Variants in MYO3B observed in about 807,000 individuals in gnomAD.
MYO3B encodes myosin IIIB.
In MYO3B, 156 loss-of-function variants were observed where a neutral mutation model predicts 174.6. That is an observed-to-expected ratio of 0.89 (90% confidence interval 0.78 to 1.02). The LOEUF (loss-of-function observed/expected upper bound fraction) is 1.02. MYO3B is among the 50% of genes least tolerant of loss of function. MYO3B has a pLI of 0.00. For synonymous variants in MYO3B, 563 were observed against 569.1 expected (o/e 0.99, Z 0.15); for missense variants, 1,632 against 1,639.4 (o/e 1.00, Z 0.08).
chr2:170,313,806 G>A (rs1046034452), intron 7 of MYO3B, among the ~76,000 whole-genome samples: 6 of 152,188 alleles, frequency 3.9e-5, no homozygotes, highest in Middle Eastern at 3.4e-3. Flanking sequence ...AAAGCCAGCC[G>A]GAATGTAATT....
intron 32 of MYO3B, among the ~76,000 whole-genome samples, chr2:170,603,359 A>G (rs1333586349): frequency 6.6e-6 from 1 of 152,232 alleles, no homozygotes; most frequent in African/African-American, 2.4e-5. Flanking sequence ...GTGGCATATT[A>G]TCTAAGAAAA....
At chr2:170,556,829 G>T (rs891711330) in intron 32 of MYO3B, among the ~76,000 whole-genome samples, 2 of 152,112 alleles carry the variant, frequency 1.3e-5, no homozygotes, top group African/African-American at 4.8e-5. Context: ...GCCAGATTTT[G>T]ACATTTTAAT....
In MYO3B at chr2:170,626,643, A is replaced by ATC. The variant is rs1271183198; in HGVS notation, c.3734-24985_3734-24984insTC. 6.9e-3 allele frequency among the ~76,000 whole-genome samples: 1,048 copies of ATC among 152,296 alleles called. 16 individuals carry two copies. Among genetic ancestry groups the ATC allele is most frequent in the African/African-American group, 0.024 (993 of 41,562 alleles). On this transcript the variant is annotated intron_variant, in intron 32 of 34. Transcript: ENST00000408978. Reference sequence around the variant, plus strand: ...AGTTGATGCAGTTTCTTCCGAGGATAGATGGTCTTTACAATTTGGCAAGTT... The same window carrying ATC: ...AGTTGATGCAGTTTCTTCCGAGGATATCGATGGTCTTTACAATTTGGCAAGTT...
At chr2:170,502,738 A>G (rs916510928) in intron 28 of MYO3B, among the ~76,000 whole-genome samples, 1 of 152,228 alleles carries the variant, frequency 6.6e-6, no homozygotes, top group African/African-American at 2.4e-5. Flanking sequence ...CCAGGCTGGT[A>G]GACTCAGCAG....
chr2:170,246,626 G>A (rs1435376319), intron 7 of MYO3B, among the ~76,000 whole-genome samples: 2 of 151,994 alleles, frequency 1.3e-5, no homozygotes, highest in East Asian at 3.9e-4. Context: ...GGCAAGGAAG[G>A]ATCCTCCCCC....
At chr2:170,499,109 T>C (rs1442961639) in intron 26 of MYO3B, among the ~76,000 whole-genome samples, 1 of 152,230 alleles carries the variant, frequency 6.6e-6, no homozygotes, top group Non-Finnish European at 1.5e-5. Context: ...TCTCAGCATC[T>C]GTAGCTTTTC....
intron 32 of MYO3B, among the ~76,000 whole-genome samples, chr2:170,633,854 C>G (rs1244515023): frequency 2.6e-5 from 4 of 152,178 alleles, no homozygotes; most frequent in Non-Finnish European, 5.9e-5. Flanking sequence ...CATGAGTGAA[C>G]TCCCATTCAC....
chr2:170,191,200 A>T (rs2092536166), intron 1 of MYO3B, among the ~76,000 whole-genome samples: 1 of 151,770 alleles, frequency 6.6e-6, no homozygotes, highest in Admixed American at 6.6e-5. Flanking sequence ...GCTGGTATCC[A>T]AGTTGCAAGA....
At chr2:170,237,082 A>G (rs1412034985) in intron 7 of MYO3B, among the ~76,000 whole-genome samples, 3 of 152,246 alleles carry the variant, frequency 2.0e-5, no homozygotes, top group Non-Finnish European at 4.4e-5. Flanking sequence ...CACTATTCCA[A>G]AAATGATTCC....
At chr2:170,372,691 C>T (rs975528129) in intron 9 of MYO3B, among the ~76,000 whole-genome samples, 1 of 152,082 alleles carries the variant, frequency 6.6e-6, no homozygotes, top group African/African-American at 2.4e-5. Context: ...AAAGGAATGC[C>T]TGGGATACCT....
At chr2:170,361,070 T>G (rs887853156) in intron 8 of MYO3B, among the ~76,000 whole-genome samples, 1 of 152,226 alleles carries the variant, frequency 6.6e-6, no homozygotes, top group African/African-American at 2.4e-5. Context: ...ACTGACTGAC[T>G]GTATACCCAG....
chr2:170,436,633 A>T (rs2094756351), intron 22 of MYO3B, among the ~76,000 whole-genome samples: 1 of 152,216 alleles, frequency 6.6e-6, no homozygotes. Context: ...ACTTCCTTTC[A>T]TTAACAACTT....
At chr2:170,308,464 C>G (rs1026940924) in intron 7 of MYO3B, among the ~76,000 whole-genome samples, 4 of 152,142 alleles carry the variant, frequency 2.6e-5, no homozygotes, top group African/African-American at 9.7e-5. Context: ...GGATTTATGT[C>G]AATGGATGTG....
At chr2:170,210,468 C>T (rs1006872234) in intron 3 of MYO3B, among the ~76,000 whole-genome samples, 12 of 152,140 alleles carry the variant, frequency 7.9e-5, no homozygotes, top group African/African-American at 2.9e-4. Flanking sequence ...ATAATGGTAA[C>T]CCCTAGCAAT....
At chr2:170,408,750 G>C (rs1574933928) in intron 22 of MYO3B, among the ~76,000 whole-genome samples, 1 of 97,892 alleles carries the variant, frequency 1.0e-5, no homozygotes, top group African/African-American at 3.5e-5. Flanking sequence ...GGAATGAAAA[G>C]CCTGGCTAAG....
At chr2:170,204,726 G>A (rs2092697585) in intron 3 of MYO3B, among the ~76,000 whole-genome samples, 2 of 152,152 alleles carry the variant, frequency 1.3e-5, no homozygotes, top group South Asian at 4.1e-4. Flanking sequence ...ACACACTTCT[G>A]TATTTGAATC....
intron 22 of MYO3B, among the ~76,000 whole-genome samples, chr2:170,420,017 T>C (rs968897361): frequency 6.6e-6 from 1 of 152,078 alleles, no homozygotes; most frequent in Non-Finnish European, 1.5e-5. Context: ...ACCCCATCTC[T>C]ACTAAAAATA....
rs972406927 is a variant in MYO3B at position 170,583,058 on chromosome 2, C to T, written c.3733+39070C>T. Among the ~76,000 whole-genome samples the T allele has an allele frequency of 5.3e-5, 8 of 151,960 alleles. No homozygotes were observed. In the East Asian group the frequency reaches 1.2e-3, roughly 22 times the overall value. Reference sequence around the variant, plus strand: ...ACACTGCAGAGTCTACCCGCCCCACCGCCTGACACCCCGCACACCCCCCAC... The same window carrying T: ...ACACTGCAGAGTCTACCCGCCCCACTGCCTGACACCCCGCACACCCCCCAC... On this transcript the variant is annotated intron_variant, in intron 32 of 34. Coordinates refer to ENST00000408978, the MANE Select transcript of MYO3B (RefSeq NM_138995.5).
chr2:170,215,474 T>G (rs1188383299), intron 5 of MYO3B, among the ~76,000 whole-genome samples: 1 of 152,114 alleles, frequency 6.6e-6, no homozygotes, highest in Non-Finnish European at 1.5e-5. Flanking sequence ...TTATTGAAGG[T>G]TTAGTCTTCT....
Sources: gnomAD v4.1 joint callset for allele counts (sites outside exome capture counted in the v4.1 genomes callset) on GRCh38, gnomAD v4.1.1 for gene constraint, MANE v1.5 for transcripts, NCBI Gene and HGNC (gene_info 2026-07-23, HGNC 2026-07-21) for gene names.